The following PSD2 variants were observed in gnomAD, a reference collection of about 807,000 sequenced individuals.
The protein encoded by PSD2 is PH and SEC7 domain-containing protein 2.
In PSD2, 38 loss-of-function variants were observed where a neutral mutation model predicts 69.8. That is an observed-to-expected ratio of 0.54 (90% CI 0.42 to 0.71). The LOEUF (loss-of-function observed/expected upper bound fraction) is 0.71. Ranked by LOEUF, PSD2 falls within the 30% of genes least tolerant of loss-of-function variation. The probability of loss-of-function intolerance (pLI) is 0.00; values close to 1 mark genes in which losing one functional copy is unlikely to be tolerated. For synonymous variants in PSD2, 412 were observed against 423.0 expected, an observed-to-expected ratio of 0.97 and a Z score of 0.32; for missense variants, 943 against 1,014.5, an observed-to-expected ratio of 0.93 and a Z score of 0.96.
At chr5:139,762,930 T>C in the PSD2 span, among the ~76,000 whole-genome samples, 1 of 151,920 alleles carries the variant, frequency 6.6e-6, no homozygotes, top group Non-Finnish European at 1.5e-5. Flanking sequence ...TGTTGCGCTA[T>C]AAATACCTTC....
intron 5 of PSD2, among the ~76,000 whole-genome samples, chr5:139,819,798 A>G (rs1249333871): frequency 1.3e-5 from 2 of 152,202 alleles, no homozygotes; most frequent in African/African-American, 2.4e-5. Context: ...TTGCGCTAGA[A>G]TGAGGAAGAT....
At chr5:139,817,042 T>C (rs1760138331) in intron 4 of PSD2, among the ~76,000 whole-genome samples, 1 of 152,168 alleles carries the variant, frequency 6.6e-6, no homozygotes, top group African/African-American at 2.4e-5. Flanking sequence ...ACTCAGCAGG[T>C]AGCGCATTCC....
the PSD2 span, among the ~76,000 whole-genome samples, chr5:139,759,643 C>T: frequency 5.9e-4 from 90 of 152,310 alleles, no homozygotes; most frequent in Non-Finnish European, 1.0e-3. Context: ...CCGTGGCGGG[C>T]GCCGCGCCAC....
chr5:139,781,396 T>C, the PSD2 span, among the ~76,000 whole-genome samples: 810 of 149,224 alleles, frequency 5.4e-3, 7 homozygotes, highest in Non-Finnish European at 3.6e-3. Context: ...AGTGCAGTGG[T>C]GCAATCTTGG....
At chr5:139,802,345 C>T (rs1233037734) in intron 1 of PSD2, among the ~76,000 whole-genome samples, 1 of 151,990 alleles carries the variant, frequency 6.6e-6, no homozygotes. Context: ...GCTGTTGAAG[C>T]AGACTGTGGG....
the PSD2 span, among the ~76,000 whole-genome samples, chr5:139,784,082 C>T: frequency 6.6e-6 from 1 of 151,570 alleles, no homozygotes; most frequent in Non-Finnish European, 1.5e-5. Context: ...GCTGGAACTA[C>T]AGGCACGCAC....
intron 1 of PSD2, among the ~76,000 whole-genome samples, chr5:139,798,509 T>C (rs1278314117): frequency 6.6e-6 from 1 of 152,208 alleles, no homozygotes; most frequent in Non-Finnish European, 1.5e-5. Context: ...CTCCCCTCTT[T>C]GGAACGTCTC....
chr5:139,777,418 C>T, the PSD2 span, among the ~76,000 whole-genome samples: 5 of 152,214 alleles, frequency 3.3e-5, 1 homozygote, highest in Admixed American at 1.3e-4. Context: ...TATTTCAAAG[C>T]TGGTGGGAGG....
In PSD2 at chr5:139,817,566, G is replaced by T; in HGVS notation, c.1097+5G>T. 1 of 1,612,448 alleles carries T rather than the reference G, an allele frequency of 6.2e-7. No homozygotes were observed. Among genetic ancestry groups the T allele is most frequent in the Non-Finnish European group, 8.5e-7 (1 of 1,178,486 alleles). On this transcript the variant is annotated splice_donor_5th_base_variant and intron_variant, in intron 5 of 14. Transcript: ENST00000274710. ...GACTCTGGACGGAGCACTCAGGTCA[G>T]TGGGGCTGGGACAGGCAGTGCCCAC...
At chr5:139,752,333 C>T in the PSD2 span, among the ~76,000 whole-genome samples, 1 of 152,180 alleles carries the variant, frequency 6.6e-6, no homozygotes, top group Non-Finnish European at 1.5e-5. Context: ...CACCCTTCCA[C>T]TCCCACCCAC....
intron 7 of PSD2, among the ~76,000 whole-genome samples, chr5:139,824,601 G>A (rs111596024): frequency 3.8e-4 from 58 of 152,012 alleles, no homozygotes; most frequent in African/African-American, 1.4e-3. Flanking sequence ...CTCTCTTTAC[G>A]TGGTACTGCT....
At chr5:139,804,077 T>G (rs1759738487) in intron 1 of PSD2, among the ~76,000 whole-genome samples, 1 of 152,210 alleles carries the variant, frequency 6.6e-6, no homozygotes, top group African/African-American at 2.4e-5. Context: ...GGGTCTGTTT[T>G]GACACTCCCT....
chr5:139,810,033 G>C lies in PSD2; in HGVS notation c.371+222G>C, dbSNP rs558815596. ...GGGGGGCTGAAAGTTGTGCCATCGT[G>C]AGCTGCTTCTATGTGGATTGCAGGG... On this transcript the variant is annotated intron_variant, in intron 2 of 14. Coordinates refer to ENST00000274710, the MANE Select transcript of PSD2 (RefSeq NM_032289.4). Among the ~76,000 whole-genome samples, 142 of 152,028 alleles carry C rather than the reference G, an allele frequency of 9.3e-4. 4 individuals carry two copies. The highest frequency in any genetic ancestry group is 3.1e-3 in the South Asian group (15 of 4,796).
At chr5:139,746,041 C>T in the PSD2 span, among the ~76,000 whole-genome samples, 3 of 152,200 alleles carry the variant, frequency 2.0e-5, no homozygotes, top group East Asian at 1.9e-4. The surrounding 1 kb of genome is among the most constrained non-coding windows in gnomAD (Gnocchi z 4.5). Context: ...GGGCCCACTG[C>T]AGAGCGCTAG....
upstream of PSD2, among the ~76,000 whole-genome samples, chr5:139,790,890 A>C (rs1408706964): frequency 6.6e-6 from 1 of 151,630 alleles, no homozygotes; most frequent in Non-Finnish European, 1.5e-5. Context: ...AATACAAAAA[A>C]TTAGCTGGGT....
At chr5:139,840,294 G>T in intron 14 of PSD2, 124 bp downstream of exon 14, 1 of 1,102,076 alleles carries the variant, frequency 9.1e-7, no homozygotes, top group Non-Finnish European at 1.3e-6. Flanking sequence ...TGGGAGCTGG[G>T]AGGGAACAGG....
intron 13 of PSD2, among the ~76,000 whole-genome samples, chr5:139,838,980 G>A (rs1211771855): frequency 1.3e-5 from 2 of 152,192 alleles, no homozygotes; most frequent in Non-Finnish European, 2.9e-5. Flanking sequence ...GGCCACAGCT[G>A]TGGCAGGTGG....
chr5:139,792,840 TTC>T (rs1759438515), upstream of PSD2, among the ~76,000 whole-genome samples: 1 of 145,046 alleles, frequency 6.9e-6, no homozygotes, highest in Admixed American at 6.8e-5. Flanking sequence ...CTTCCTTTCT[TTC>T]TTTTTTTCTT....
the PSD2 span, among the ~76,000 whole-genome samples, chr5:139,766,893 TTCCC>T: frequency 0.022 from 3,226 of 144,322 alleles, 433 homozygotes; most frequent in Middle Eastern, 0.038. Context: ...CTTTCCTTCT[TTCCC>T]TCTTTCCCTC....
Sources: gnomAD v4.1 joint callset for allele counts (sites outside exome capture counted in the v4.1 genomes callset) on GRCh38, gnomAD v4.1.1 for gene constraint, Gnocchi (gnomAD v3.1) non-coding constraint, MANE v1.5 for transcripts, NCBI Gene and HGNC (gene_info 2026-07-23, HGNC 2026-07-21) for gene names.